Variants in PPP1R21 observed in about 807,000 individuals in gnomAD.
PPP1R21 encodes the protein KLRAQ motif containing 1.
Under a neutral mutation model 112.8 loss-of-function variants are expected in PPP1R21, and 85 were observed. That is an observed-to-expected ratio of 0.75 (90% CI 0.63 to 0.90). The LOEUF (loss-of-function observed/expected upper bound fraction) is 0.90, where lower values mean the gene tolerates loss of function less well. PPP1R21 is among the 40% of genes least tolerant of loss of function. PPP1R21 has a pLI of 0.00. For synonymous variants in PPP1R21, 381 were observed against 322.3 expected (o/e 1.18, Z -1.95); for missense variants, 1,199 against 901.5 (o/e 1.33, Z -4.23).
chr2:48,511,303 T>G, intron 20 of PPP1R21, 37 bp from the exon 21 acceptor site: 1 of 1,596,122 alleles, frequency 6.3e-7, no homozygotes, highest in African/African-American at 1.3e-5. Context: ...GTACGACTCG[T>G]GGGATGTTGA....
intron 7 of PPP1R21, among the ~76,000 whole-genome samples, 188 bp from the exon 8 acceptor site, chr2:48,464,749 A>T (rs770589409): frequency 1.3e-5 from 2 of 152,220 alleles, no homozygotes; most frequent in African/African-American, 4.8e-5. Flanking sequence ...AGTTAAAAAA[A>T]GATGGGAAGT....
At chr2:48,495,400 C>G (rs576178558) in intron 15 of PPP1R21, among the ~76,000 whole-genome samples, 8 of 152,090 alleles carry the variant, frequency 5.3e-5, no homozygotes, top group Non-Finnish European at 1.0e-4. Flanking sequence ...GATGGGGTTT[C>G]ACCATATTGG....
At chr2:48,511,302 G>C (rs181208571) in intron 20 of PPP1R21, 38 bp from the exon 21 acceptor site, 99 of 1,594,836 alleles carry the variant, frequency 6.2e-5, no homozygotes, top group Non-Finnish European at 8.0e-5. Flanking sequence ...GGTACGACTC[G>C]TGGGATGTTG....
In PPP1R21 at chr2:48,459,810, G is replaced by A; in HGVS notation, c.432G>A (p.Leu144=). The stretch of plus-strand genomic sequence containing the variant: ...TGGAAGCAGAGCTGAGGAGTCGACT[G>A]GCCACTCTGGAGACAGAAGCAGCCC... ...KHVEAELRSR[L]ATLETEAAQH... The change falls in exon 5 of 22, where the codon CTG becomes CTA. Residue 144 remains leucine, a synonymous_variant. Coordinates refer to ENST00000294952, the MANE Select transcript of PPP1R21 (RefSeq NM_001135629.3). 1.2e-6 allele frequency: 2 copies of A among 1,614,074 alleles called. No homozygotes were observed. The highest frequency in any genetic ancestry group is 1.7e-6 in the Non-Finnish European group (2 of 1,180,028).
intron 17 of PPP1R21, among the ~76,000 whole-genome samples, chr2:48,500,188 C>T (rs569056532): frequency 1.2e-4 from 18 of 152,122 alleles, no homozygotes; most frequent in Non-Finnish European, 2.2e-4. Context: ...GTGAATTTTC[C>T]TAGGTATGGT....
At chr2:48,450,528 A>G (rs549782656) in intron 1 of PPP1R21, among the ~76,000 whole-genome samples, 1 of 152,338 alleles carries the variant, frequency 6.6e-6, no homozygotes, top group South Asian at 2.1e-4. Flanking sequence ...GTCTAATATT[A>G]GGCACAGTGT....
At chr2:48,460,641 G>C (rs1480881075) in intron 6 of PPP1R21, among the ~76,000 whole-genome samples, 1 of 152,186 alleles carries the variant, frequency 6.6e-6, no homozygotes, top group Non-Finnish European at 1.5e-5. Context: ...GATCAACTAA[G>C]TGAATTTCTC....
chr2:48,465,423 A>C, intron 8 of PPP1R21, 70 bp from the exon 9 acceptor site: 2 of 1,376,912 alleles, frequency 1.5e-6, no homozygotes, highest in Admixed American at 2.1e-5. Context: ...TCTCCAGATC[A>C]GACTCAATAA....
chr2:48,501,233 C>CTTTA (rs1265031536), intron 17 of PPP1R21, among the ~76,000 whole-genome samples: 1 of 152,220 alleles, frequency 6.6e-6, no homozygotes, highest in Admixed American at 6.5e-5. Context: ...ACTCCCTTGC[C>CTTTA]TTTAGATTTT....
At chr2:48,493,492 G>T (rs569204202) in intron 15 of PPP1R21, among the ~76,000 whole-genome samples, 44 of 152,124 alleles carry the variant, frequency 2.9e-4, no homozygotes, top group African/African-American at 9.6e-4. Flanking sequence ...TCTTAGCCAG[G>T]GTTGATTTCC....
chr2:48,469,535 T>TATATATAGAGAGAG lies in PPP1R21; in HGVS notation c.898-1551_898-1550insTATATAGAGAGAGA, dbSNP rs1553339307. Among the ~76,000 whole-genome samples the TATATATAGAGAGAG allele has an allele frequency of 2.5e-4, 18 of 73,220 alleles. 3 individuals carry two copies. The highest frequency in any genetic ancestry group is 1.4e-3 in the South Asian group (3 of 2,124). 48.0% of individuals were successfully genotyped at this position (73,220 alleles called of 152,430 possible). On this transcript the variant is annotated intron_variant, in intron 9 of 21. Transcript: ENST00000294952. ...ATATATATATATATATATATATATA[T>TATATATAGAGAGAG]AGAGCATATATATATATAGAGAGAG...
intron 15 of PPP1R21, 41 bp downstream of exon 15, chr2:48,491,211 C>G (rs532146628): frequency 6.3e-7 from 1 of 1,588,504 alleles, no homozygotes; most frequent in East Asian, 2.2e-5. Context: ...GAGGAAACAT[C>G]AGGAGTCATT....
intron 11 of PPP1R21, among the ~76,000 whole-genome samples, chr2:48,473,435 G>A (rs905638342): frequency 6.6e-6 from 1 of 152,114 alleles, no homozygotes; most frequent in Non-Finnish European, 1.5e-5. Context: ...ATTTTATCTT[G>A]CTTCATTTTT....
chr2:48,447,813 G>A (rs1165329330), intron 1 of PPP1R21, among the ~76,000 whole-genome samples: 1 of 152,144 alleles, frequency 6.6e-6, no homozygotes, highest in Non-Finnish European at 1.5e-5. Context: ...AGCCGGGCGT[G>A]GTGGCACGTG....
chr2:48,511,268 T>A, intron 20 of PPP1R21, 72 bp from the exon 21 acceptor site: 8 of 1,471,248 alleles, frequency 5.4e-6, no homozygotes, highest in Non-Finnish European at 6.4e-6. Flanking sequence ...ATTTTTCTTT[T>A]GTGAATTAAA....
chr2:48,513,439 G>A (rs1377300981), intron 21 of PPP1R21, among the ~76,000 whole-genome samples: 1 of 151,384 alleles, frequency 6.6e-6, no homozygotes, highest in Non-Finnish European at 1.5e-5. Flanking sequence ...CAAACTCCCA[G>A]GCCCAAGTGA....
chr2:48,482,718 T>C (rs975824868), intron 13 of PPP1R21, among the ~76,000 whole-genome samples: 1 of 149,194 alleles, frequency 6.7e-6, no homozygotes, highest in Non-Finnish European at 1.5e-5. Context: ...ATTATGAAAA[T>C]ATATAGACCA....
In PPP1R21 at chr2:48,469,509, CATATATATAT is replaced by C. The variant is rs374280494; in HGVS notation, c.898-1560_898-1551del. ...AGAGCATATATATATATATATAGAG[CATATATATAT>C]ATATATATATATATATAGAGCATAT... On this transcript the variant is annotated intron_variant, in intron 9 of 21. Transcript: ENST00000294952. Among the ~76,000 whole-genome samples, 36 of 59,296 alleles carry C rather than the reference CATATATATAT, an allele frequency of 6.1e-4. 2 individuals carry two copies. Among genetic ancestry groups the C allele is most frequent in the Non-Finnish European group, 9.4e-4 (28 of 29,678 alleles). The allele number at this position is 59,296 out of a possible 152,430, so 38.9% of individuals were successfully genotyped here.
chr2:48,441,508 A>G (rs1038610124), intron 1 of PPP1R21: 1 of 194,730 alleles, frequency 5.1e-6, no homozygotes. Flanking sequence ...TTCACTAGGG[A>G]TGGGTGGTTA....
Sources: allele counts gnomAD v4.1 joint callset (sites outside exome capture counted in the v4.1 genomes callset), GRCh38; gene constraint gnomAD v4.1.1; transcripts MANE v1.5; gene names NCBI Gene and HGNC (gene_info 2026-07-23, HGNC 2026-07-21).